PIP5K1B: variants seen among roughly 807,000 people sequenced by gnomAD.
PIP5K1B encodes the protein phosphatidylinositol-4-phosphate 5-kinase type 1 beta, also known as phosphatidylinositol 4-phosphate 5-kinase type-1 beta.
In PIP5K1B, 42 loss-of-function variants were observed where a neutral mutation model predicts 67.0. The observed-to-expected ratio is 0.63, with a 90% confidence interval of 0.49 to 0.81. The LOEUF is 0.81. Ranked by LOEUF, PIP5K1B falls within the 30% of genes least tolerant of loss-of-function variation. The pLI is 0.00. For missense variants in PIP5K1B, 459 were observed against 646.3 expected (o/e 0.71, Z 3.14); for synonymous variants, 214 against 231.4 (o/e 0.92, Z 0.68).
intron 7 of PIP5K1B, among the ~76,000 whole-genome samples, chr9:68,893,333 C>CTTTTTTTT (rs397792694): frequency 9.9e-5 from 11 of 110,952 alleles, no homozygotes; most frequent in Non-Finnish European, 1.7e-4. Flanking sequence ...TATTTTTTTT[C>CTTTTTTTT]TTTTTTTTTT....
intron 8 of PIP5K1B, among the ~76,000 whole-genome samples, chr9:68,902,033 A>G (rs1825388042): frequency 6.6e-6 from 1 of 152,212 alleles, no homozygotes; most frequent in Non-Finnish European, 1.5e-5. Flanking sequence ...ATCTTGCACA[A>G]TCTTGCACAA....
At chr9:68,924,841 T>C (rs747188749) in intron 12 of PIP5K1B, among the ~76,000 whole-genome samples, 1 of 150,870 alleles carries the variant, frequency 6.6e-6, no homozygotes, top group African/African-American at 2.4e-5. Flanking sequence ...TTTTGGAAAA[T>C]ACAAGAAGAT....
chr9:68,816,924 T>G (rs1833476800), intron 2 of PIP5K1B, among the ~76,000 whole-genome samples: 2 of 152,128 alleles, frequency 1.3e-5, no homozygotes, highest in South Asian at 4.1e-4. Context: ...AAAGGAAAAA[T>G]TGGCAGATTT....
At chr9:69,002,222 C>T (rs998466470) in intron 15 of PIP5K1B, among the ~76,000 whole-genome samples, 1 of 152,180 alleles carries the variant, frequency 6.6e-6, no homozygotes, top group South Asian at 2.1e-4. Flanking sequence ...TCAAGGATGG[C>T]GAAAGTCCTG....
chr9:68,803,083 G>A (rs1204470604), intron 2 of PIP5K1B, among the ~76,000 whole-genome samples: 1 of 152,176 alleles, frequency 6.6e-6, no homozygotes, highest in Non-Finnish European at 1.5e-5. Flanking sequence ...GAGATTGATT[G>A]GAAAGAGCTT....
intron 2 of PIP5K1B, chr9:68,784,093 ATTC>A (rs1364196058): frequency 6.0e-6 from 1 of 167,084 alleles, no homozygotes; most frequent in Non-Finnish European, 1.5e-5. Context: ...CTGTAAGCTT[ATTC>A]TTCTATATAG....
At chr9:68,817,667 C>G (rs1339178529) in intron 2 of PIP5K1B, among the ~76,000 whole-genome samples, 5 of 149,214 alleles carry the variant, frequency 3.4e-5, no homozygotes. Flanking sequence ...AACAAACAGA[C>G]TGTTTATATT....
intron 2 of PIP5K1B, among the ~76,000 whole-genome samples, chr9:68,798,035 A>T (rs1170145724): frequency 6.6e-6 from 1 of 152,120 alleles, no homozygotes; most frequent in Non-Finnish European, 1.5e-5. Context: ...TAATAATTGA[A>T]TTTGCATCCA....
chr9:68,944,753 G>T (rs1827719675), intron 14 of PIP5K1B, among the ~76,000 whole-genome samples: 1 of 152,052 alleles, frequency 6.6e-6, no homozygotes. Context: ...CTAGAACAGG[G>T]GTGGAAACAC....
intron 8 of PIP5K1B, among the ~76,000 whole-genome samples, chr9:68,912,990 G>T (rs1240556146): frequency 6.6e-6 from 1 of 152,206 alleles, no homozygotes; most frequent in Non-Finnish European, 1.5e-5. Context: ...CTCATTTCAA[G>T]AACAGGTAGT....
intron 2 of PIP5K1B, among the ~76,000 whole-genome samples, chr9:68,744,011 T>A (rs1829148607): frequency 6.6e-6 from 1 of 151,884 alleles, no homozygotes; most frequent in African/African-American, 2.4e-5. Context: ...TTAGTGGGGG[T>A]TCTTGGTGAT....
intron 4 of PIP5K1B, among the ~76,000 whole-genome samples, chr9:68,842,798 A>G (rs945130005): frequency 1.3e-5 from 2 of 152,258 alleles, no homozygotes; most frequent in African/African-American, 4.8e-5. Flanking sequence ...CAAAATGTCA[A>G]TAGTGCCAAA....
intron 12 of PIP5K1B, among the ~76,000 whole-genome samples, chr9:68,928,973 A>C (rs907050687): frequency 6.6e-6 from 1 of 152,050 alleles, no homozygotes; most frequent in African/African-American, 2.4e-5. Context: ...GACCAGCCTG[A>C]CCAACGTGGT....
At chr9:68,992,457 A>G (rs963343012) in intron 15 of PIP5K1B, among the ~76,000 whole-genome samples, 1 of 152,238 alleles carries the variant, frequency 6.6e-6, no homozygotes, top group South Asian at 2.1e-4. Context: ...ATGCTTTTCC[A>G]TATCCCTGAC....
intron 2 of PIP5K1B, among the ~76,000 whole-genome samples, chr9:68,794,586 T>C (rs1832182455): frequency 1.3e-5 from 2 of 152,132 alleles, no homozygotes; most frequent in Non-Finnish European, 1.5e-5. Context: ...ATGACTTTTT[T>C]CCACTTATAA....
intron 5 of PIP5K1B, among the ~76,000 whole-genome samples, chr9:68,868,093 T>C (rs1206075445): frequency 1.3e-5 from 2 of 152,216 alleles, no homozygotes; most frequent in Non-Finnish European, 2.9e-5. Flanking sequence ...TAAAAATCTC[T>C]TTTAACTGTT....
chr9:68,777,313 A>G (rs1830965579), intron 2 of PIP5K1B, among the ~76,000 whole-genome samples: 1 of 152,362 alleles, frequency 6.6e-6, no homozygotes, highest in Non-Finnish European at 1.5e-5. Context: ...TATTAAGCAT[A>G]TAACAGAGAA....
intron 14 of PIP5K1B, chr9:68,941,123 C>G: frequency 2.1e-6 from 1 of 474,536 alleles, no homozygotes; most frequent in South Asian, 1.5e-5. Flanking sequence ...TAATATTACA[C>G]AGGTAGCTGC....
At chr9:68,815,836 TTTTATATTTCTAGAAATATAAGGA>T (rs1833414436) in intron 2 of PIP5K1B, among the ~76,000 whole-genome samples, 1 of 152,052 alleles carries the variant, frequency 6.6e-6, no homozygotes, top group African/African-American at 2.4e-5. Context: ...AATTTTATAT[TTTTATATTTCTAGAAATATAAGGA>T]TTTATATTTC....
Sources: allele counts gnomAD v4.1 joint callset (sites outside exome capture counted in the v4.1 genomes callset), GRCh38; gene constraint gnomAD v4.1.1; transcripts MANE v1.5; gene names NCBI Gene and HGNC (gene_info 2026-07-23, HGNC 2026-07-21).